Variants in FGF1 observed in about 807,000 individuals in gnomAD.
FGF1 encodes fibroblast growth factor 1.
A neutral mutation model predicts 13.4 loss-of-function variants in FGF1; 9 were observed. The observed-to-expected ratio is 0.67, with a 90% CI of 0.40 to 1.17. The LOEUF (loss-of-function observed/expected upper bound fraction) is 1.17. Among genes scored for constraint, FGF1 ranks in the 50% most tolerant of loss-of-function variants. The pLI, the probability that FGF1 is intolerant of heterozygous loss-of-function variation, is 0.01. For synonymous variants in FGF1, 93 were observed against 79.0 expected, an observed-to-expected ratio of 1.18 and a Z score of -0.94; for missense variants, 156 against 192.7, an observed-to-expected ratio of 0.81 and a Z score of 1.13.
At chr5:142,658,255 G>T (rs1768527609) in intron 1 of FGF1, among the ~76,000 whole-genome samples, 1 of 152,152 alleles carries the variant, frequency 6.6e-6, no homozygotes, top group Admixed American at 6.5e-5. Flanking sequence ...AGTGTCTCAG[G>T]TCAGGCCAGC....
chr5:142,667,757 G>T (rs985286562), intron 1 of FGF1, among the ~76,000 whole-genome samples: 2 of 152,072 alleles, frequency 1.3e-5, no homozygotes, highest in Non-Finnish European at 2.9e-5. Context: ...TGAAAATTCC[G>T]AACTCTGGAC....
intron 1 of FGF1, among the ~76,000 whole-genome samples, chr5:142,641,794 G>A (rs928564033): frequency 6.6e-5 from 10 of 151,370 alleles, no homozygotes; most frequent in Non-Finnish European, 1.3e-4. Context: ...ATTCAATTTC[G>A]GTTTACAAAT....
intron 2 of FGF1, among the ~76,000 whole-genome samples, chr5:142,695,807 T>C (rs1390038699): frequency 2.6e-5 from 4 of 151,938 alleles, no homozygotes; most frequent in African/African-American, 7.3e-5. Flanking sequence ...GAAACTAAGA[T>C]ACATGAAGTT....
At chr5:142,658,604 C>T (rs143223847) in intron 1 of FGF1, among the ~76,000 whole-genome samples, 1 of 152,154 alleles carries the variant, frequency 6.6e-6, no homozygotes, top group African/African-American at 2.4e-5. Context: ...GCTTCACAGG[C>T]AGCAGACACA....
upstream of FGF1, among the ~76,000 whole-genome samples, chr5:142,686,764 G>A (rs1222505793): frequency 6.6e-6 from 1 of 152,170 alleles, no homozygotes; most frequent in East Asian, 1.9e-4. Context: ...AAGCCATCCA[G>A]GTTGGGACTG....
At chr5:142,617,321 C>T (rs367869581) in intron 1 of FGF1, among the ~76,000 whole-genome samples, 5 of 151,960 alleles carry the variant, frequency 3.3e-5, no homozygotes, top group African/African-American at 9.7e-5. Context: ...GCCAAGATTG[C>T]GCCGTTGCAC....
chr5:142,634,482 A>G (rs1045684375), intron 1 of FGF1, among the ~76,000 whole-genome samples: 3 of 152,234 alleles, frequency 2.0e-5, no homozygotes, highest in Non-Finnish European at 4.4e-5. Context: ...GAGACAGCCT[A>G]GATTCAGGGT....
At chr5:142,596,622 G>C (rs1298478555) in intron 3 of FGF1, among the ~76,000 whole-genome samples, 1 of 151,612 alleles carries the variant, frequency 6.6e-6, no homozygotes, top group Admixed American at 6.6e-5. Context: ...GTGTGTGCCT[G>C]TCCTCCTAGC....
At chr5:142,649,448 C>G (rs1032703509) in intron 1 of FGF1, among the ~76,000 whole-genome samples, 6 of 152,022 alleles carry the variant, frequency 3.9e-5, no homozygotes, top group African/African-American at 1.5e-4. Context: ...GCTTTGTCGC[C>G]CAGGCTGGAG....
chr5:142,642,529 C>T (rs1430994643), intron 1 of FGF1, among the ~76,000 whole-genome samples: 2 of 152,208 alleles, frequency 1.3e-5, no homozygotes, highest in Non-Finnish European at 2.9e-5. Context: ...GAAGAGGGAA[C>T]ACACAGGGCT....
At position 142,594,749 on chromosome 5, in the gene FGF1, C is replaced by T. The variant is rs1026700828; in HGVS notation, c.*541G>A. 6.6e-6 allele frequency: 1 copy of T among 152,272 alleles called. No individual in the cohort carries two copies. The highest frequency in any genetic ancestry group is 1.5e-5 in the Non-Finnish European group (1 of 68,114). 9.4% of individuals were successfully genotyped at this position (152,272 alleles called of 1,614,324 possible). A position where few individuals can be genotyped will look rare whatever the true frequency, so the allele number is the denominator to read the frequency against. On this transcript the variant is annotated 3_prime_UTR_variant, in exon 4 of 4. Coordinates refer to ENST00000337706, the MANE Select transcript of FGF1 (RefSeq NM_000800.5). ...AGTTACCCACCAAAATCCAATCTCT[C>T]TTTTCCATTTTAAATGCCTCTGTTC...
rs185969848 is a variant in FGF1 at position 142,636,996 on chromosome 5, G to A, written c.-34-22835C>T. 4.6e-5 allele frequency among the ~76,000 whole-genome samples: 7 copies of A among 152,100 alleles called. No individual in the cohort carries two copies. In the East Asian group the frequency reaches 1.3e-3, roughly 29 times the overall value. ...CTGCTGAGTGACTAATTGGAGGAAA[G>A]GCAAGGAAATCAGCTGCAATTGCCC... On this transcript the variant is annotated intron_variant, in intron 1 of 3. Coordinates refer to ENST00000337706, the MANE Select transcript of FGF1 (RefSeq NM_000800.5).
intron 2 of FGF1, among the ~76,000 whole-genome samples, chr5:142,601,626 G>A (rs1756595633): frequency 6.6e-6 from 1 of 152,102 alleles, no homozygotes; most frequent in Non-Finnish European, 1.5e-5. Context: ...AGGGGGGGCG[G>A]GTGCTACTGG....
At chr5:142,611,371 A>C (rs57493049) in intron 2 of FGF1, among the ~76,000 whole-genome samples, 9,437 of 152,250 alleles carry the variant, frequency 0.062, 352 homozygotes, top group East Asian at 0.1. Context: ...TGCCATTCCC[A>C]TTCCACAGGT....
At position 142,661,807 on chromosome 5, in the gene FGF1, T is replaced by G. The variant is rs903062462; in HGVS notation, c.-35+24150A>C. On this transcript the variant is annotated intron_variant, in intron 1 of 3. Transcript: ENST00000337706. ...TCACGAGGTCAGGAGATTGAGACCATCCTGGCTAACACGATGAAACCCCGT... is the reference window on the plus strand; with the variant it reads ...TCACGAGGTCAGGAGATTGAGACCAGCCTGGCTAACACGATGAAACCCCGT... Among the ~76,000 whole-genome samples the G allele has an allele frequency of 3.3e-5, 5 of 152,020 alleles. No individual in the cohort carries two copies. In the East Asian group the frequency reaches 5.8e-4, roughly 18 times the overall value.
intron 2 of FGF1, among the ~76,000 whole-genome samples, chr5:142,696,637 A>G (rs1753153563): frequency 6.6e-6 from 1 of 152,246 alleles, no homozygotes; most frequent in Admixed American, 6.5e-5. Context: ...GGCAAAGCCA[A>G]GATATGGAAA....
chr5:142,663,071 G>A (rs550446422), intron 1 of FGF1, among the ~76,000 whole-genome samples: 102 of 152,084 alleles, frequency 6.7e-4, no homozygotes, highest in Non-Finnish European at 1.2e-3. Flanking sequence ...CAATCCACCT[G>A]CCTCAGTCTC....
intron 2 of FGF1, chr5:142,601,196 A>G (rs1031215470): frequency 8.4e-6 from 4 of 476,770 alleles, no homozygotes; most frequent in South Asian, 1.5e-5. Flanking sequence ...TTGGGATGCC[A>G]TAGAGTAGGA....
intron 1 of FGF1, among the ~76,000 whole-genome samples, chr5:142,635,864 G>C (rs1391242982): frequency 6.6e-6 from 1 of 152,214 alleles, no homozygotes; most frequent in Non-Finnish European, 1.5e-5. Flanking sequence ...AGGAAGGGAA[G>C]GCTTGATTAT....
Sources: allele counts gnomAD v4.1 joint callset (sites outside exome capture counted in the v4.1 genomes callset), GRCh38; gene constraint gnomAD v4.1.1; transcripts MANE v1.5; gene names NCBI Gene and HGNC (gene_info 2026-07-23, HGNC 2026-07-21).